SMOC1: variants seen among roughly 807,000 people sequenced by gnomAD.
SMOC1 encodes SPARC-related modular calcium-binding protein 1.
In SMOC1, 22 loss-of-function variants were observed where a neutral mutation model predicts 56.3. The observed-to-expected ratio is 0.39, with a 90% CI of 0.28 to 0.56. SMOC1 has a LOEUF of 0.56. Among genes scored for constraint, SMOC1 ranks in the 20% least tolerant of loss-of-function variants. The pLI, the probability that SMOC1 is intolerant of heterozygous loss-of-function variation, is 0.61. For missense variants in SMOC1, 509 were observed against 565.4 expected (o/e 0.90, Z 1.01); for synonymous variants, 193 against 215.0 (o/e 0.90, Z 0.89).
chr14:69,932,944 A>C (rs145399946), intron 1 of SMOC1, among the ~76,000 whole-genome samples: 6 of 152,286 alleles, frequency 3.9e-5, no homozygotes, highest in African/African-American at 1.4e-4. Flanking sequence ...AGTAGTTTTA[A>C]AATTTCTTGA....
chr14:70,026,372 T>TGGTGAGCTCAGATCC (rs1225824856), intron 11 of SMOC1, among the ~76,000 whole-genome samples: 1 of 152,148 alleles, frequency 6.6e-6, no homozygotes, highest in Non-Finnish European at 1.5e-5. Flanking sequence ...TGGCTGAGTG[T>TGGTGAGCTCAGATCC]GGTGAGCTCA....
At chr14:69,884,814 T>C (rs1283404333) in intron 1 of SMOC1, among the ~76,000 whole-genome samples, 1 of 152,216 alleles carries the variant, frequency 6.6e-6, no homozygotes, top group African/African-American at 2.4e-5. Context: ...GCCATTACCA[T>C]GCTGTCTTGG....
At chr14:70,019,279 C>A (rs962203899) in intron 10 of SMOC1, among the ~76,000 whole-genome samples, 2 of 152,188 alleles carry the variant, frequency 1.3e-5, no homozygotes, top group African/African-American at 4.8e-5. Flanking sequence ...CAGACACCAA[C>A]GTTATTTGGC....
intron 3 of SMOC1, among the ~76,000 whole-genome samples, chr14:69,964,792 A>G (rs1883507724): frequency 6.6e-6 from 1 of 152,124 alleles, no homozygotes; most frequent in African/African-American, 2.4e-5. Context: ...GCACTGTTAC[A>G]TTCCCATTTT....
intron 9 of SMOC1, among the ~76,000 whole-genome samples, chr14:70,012,440 A>G (rs11628857): frequency 0.17 from 26,141 of 152,276 alleles, 2,490 homozygotes; most frequent in African/African-American, 0.24. Flanking sequence ...AAATGAATAC[A>G]GGCATTTATA....
chr14:69,949,567 A>T (rs915464301), intron 1 of SMOC1, among the ~76,000 whole-genome samples: 1 of 152,238 alleles, frequency 6.6e-6, no homozygotes, highest in Non-Finnish European at 1.5e-5. Context: ...AGAGTATTAC[A>T]GGAGATTGTC....
chr14:69,967,639 A>C lies in SMOC1; in HGVS notation c.379-8076A>C, dbSNP rs376646345. Among the ~76,000 whole-genome samples, 15 of 152,336 alleles carry C rather than the reference A, an allele frequency of 9.8e-5. No individual in the cohort carries two copies. The South Asian group carries it at 3.1e-3, about 32-fold the overall frequency. The stretch of plus-strand genomic sequence containing the variant: ...TCAGCATGTGCTAAGCACATATCCT[A>C]TATCTACACTGTTTTAGATGCTTTA... On this transcript the variant is annotated intron_variant, in intron 3 of 11. Transcript: ENST00000361956.
rs761484363 is a variant in SMOC1, at chr14:70,011,509, C to T, written c.882C>T (p.Ser294=). The T allele has an allele frequency of 2.2e-5, 35 of 1,561,404 alleles. No individual in the cohort carries two copies. The highest frequency in any genetic ancestry group is 7.0e-5 in the African/African-American group (5 of 71,266). The part of the protein sequence containing the change: ...STRYVMPSCE[S]DARAKTTEAD... ...GCTACGTGATGCCCAGTTGTGAGAG[C>T]GACGCCAGGGCCAAGACTACAGAGG... Residue 294 remains serine, a synonymous_variant, in exon 9 of 12, where the codon AGC becomes AGT. Coordinates refer to ENST00000361956, the MANE Select transcript of SMOC1 (RefSeq NM_001034852.3).
chr14:69,919,375 A>G (rs935302930), intron 1 of SMOC1, among the ~76,000 whole-genome samples: 1 of 152,152 alleles, frequency 6.6e-6, no homozygotes, highest in Non-Finnish European at 1.5e-5. Context: ...CCTGTGTTGC[A>G]GCCAAGGGGG....
At chr14:69,922,190 T>C (rs1018898810) in intron 1 of SMOC1, among the ~76,000 whole-genome samples, 3 of 152,190 alleles carry the variant, frequency 2.0e-5, no homozygotes, top group South Asian at 4.1e-4. Flanking sequence ...AGCTTTCTCA[T>C]TGGTAAAATA....
chr14:69,975,130 G>T (rs984279892), intron 3 of SMOC1, among the ~76,000 whole-genome samples: 1 of 152,144 alleles, frequency 6.6e-6, no homozygotes, highest in Non-Finnish European at 1.5e-5. Flanking sequence ...AATCACTTGA[G>T]GTGAGGACTT....
At chr14:69,910,988 AC>A (rs1884542581) in intron 1 of SMOC1, among the ~76,000 whole-genome samples, 1 of 151,922 alleles carries the variant, frequency 6.6e-6, no homozygotes, top group Non-Finnish European at 1.5e-5. Context: ...CTGTATCCAG[AC>A]TCCATGTTAC....
intron 1 of SMOC1, among the ~76,000 whole-genome samples, chr14:69,951,691 G>A (rs1882999432): frequency 6.6e-6 from 1 of 152,182 alleles, no homozygotes; most frequent in African/African-American, 2.4e-5. Flanking sequence ...AGGCTGCATG[G>A]CCATCTGCAT....
intron 1 of SMOC1, among the ~76,000 whole-genome samples, chr14:69,902,930 C>A (rs1234717786): frequency 2.6e-5 from 4 of 152,232 alleles, no homozygotes; most frequent in African/African-American, 9.6e-5. Context: ...CTCAGTGTTG[C>A]CTAGGCTGGA....
At chr14:69,940,930 A>G (rs746196511) in intron 1 of SMOC1, among the ~76,000 whole-genome samples, 1 of 152,136 alleles carries the variant, frequency 6.6e-6, no homozygotes, top group East Asian at 1.9e-4. Context: ...GTATTTAGTG[A>G]CAGGGCAGGG....
chr14:69,977,796 G>C (rs1884021774), intron 4 of SMOC1, 122 bp from the exon 5 acceptor site: 1 of 786,912 alleles, frequency 1.3e-6, no homozygotes, highest in Non-Finnish European at 2.3e-6. Context: ...ATCCTTAGAT[G>C]TGTATACAAT....
chr14:69,900,710 C>G (rs1884221374), intron 1 of SMOC1, among the ~76,000 whole-genome samples: 1 of 152,178 alleles, frequency 6.6e-6, no homozygotes, highest in Non-Finnish European at 1.5e-5. Context: ...ATGTTCTTGC[C>G]TATCCCCAAC....
At chr14:70,001,558 T>C (rs1012421191) in intron 7 of SMOC1, among the ~76,000 whole-genome samples, 1 of 152,196 alleles carries the variant, frequency 6.6e-6, no homozygotes, top group African/African-American at 2.4e-5. Flanking sequence ...TACCCCTTTA[T>C]TGCCTGCCTC....
intron 1 of SMOC1, among the ~76,000 whole-genome samples, chr14:69,884,873 G>A (rs59042733): frequency 0.27 from 40,650 of 151,750 alleles, 5,592 homozygotes; most frequent in African/African-American, 0.34. Flanking sequence ...TGATGCCTCT[G>A]GCTTTGTTCT....
Sources: gnomAD v4.1 joint callset for allele counts (sites outside exome capture counted in the v4.1 genomes callset) on GRCh38, gnomAD v4.1.1 for gene constraint, MANE v1.5 for transcripts, NCBI Gene and HGNC (gene_info 2026-07-23, HGNC 2026-07-21) for gene names.